The following SMIM36 variants were observed in gnomAD, a reference collection of about 807,000 sequenced individuals.
The protein encoded by SMIM36 is small integral membrane protein 36.
At chr17:55,486,863 G>C (rs932009228) in intron 1 of SMIM36, among the ~76,000 whole-genome samples, 4 of 152,098 alleles carry the variant, frequency 2.6e-5, no homozygotes, top group African/African-American at 9.7e-5. Context: ...TCCCAGAATT[G>C]TTTGCATTTT....
chr17:55,480,475 G>C (rs1909500499), intron 1 of SMIM36, among the ~76,000 whole-genome samples: 1 of 152,134 alleles, frequency 6.6e-6, no homozygotes, highest in Non-Finnish European at 1.5e-5. Flanking sequence ...TAGATAATGA[G>C]ATCCAAGCAT....
At chr17:55,510,435 T>C (rs2144724671) in intron 1 of SMIM36, among the ~76,000 whole-genome samples, 1 of 151,816 alleles carries the variant, frequency 6.6e-6, no homozygotes, top group African/African-American at 2.4e-5. Context: ...TGAAACCCCA[T>C]CTCTACAAAA....
At chr17:55,462,427 G>A (rs1204586167) in intron 4 of SMIM36, among the ~76,000 whole-genome samples, 2 of 151,984 alleles carry the variant, frequency 1.3e-5, no homozygotes, top group African/African-American at 4.8e-5. Context: ...CCTTAGCAAC[G>A]TAGCAAGACC....
At chr17:55,516,771 G>A in the SMIM36 span, among the ~76,000 whole-genome samples, 2 of 152,098 alleles carry the variant, frequency 1.3e-5, no homozygotes, top group South Asian at 4.1e-4. Context: ...TATTGGCCAG[G>A]CTGGTCTCAA....
chr17:55,518,387 G>A, the SMIM36 span, among the ~76,000 whole-genome samples: 3 of 152,138 alleles, frequency 2.0e-5, no homozygotes, highest in Admixed American at 6.5e-5. Context: ...TTAAGTTACC[G>A]ATACACGAAC....
upstream of SMIM36, among the ~76,000 whole-genome samples, chr17:55,514,254 T>G (rs947078697): frequency 6.6e-6 from 1 of 152,162 alleles, no homozygotes; most frequent in African/African-American, 2.4e-5. Context: ...ATAGGCAAAC[T>G]GGGACGGATG....
chr17:55,492,242 C>CTTTTTTTTTTTTTTTTTTTTT (rs770501215), intron 1 of SMIM36, among the ~76,000 whole-genome samples: 2 of 111,286 alleles, frequency 1.8e-5, no homozygotes, highest in African/African-American at 3.5e-5. Flanking sequence ...TTCTTTCTTT[C>CTTTTTTTTTTTTTTTTTTTTT]TTTTTTTTTT....
chr17:55,472,697 C>A (rs991948086), intron 3 of SMIM36, among the ~76,000 whole-genome samples: 2 of 151,934 alleles, frequency 1.3e-5, no homozygotes, highest in Non-Finnish European at 2.9e-5. Flanking sequence ...ATGGTGAAAC[C>A]CCGAATCTAC....
In SMIM36 at chr17:55,501,180, A is replaced by G. The variant is rs796555797; in HGVS notation, c.*174+9699T>C. Among the ~76,000 whole-genome samples the G allele has an allele frequency of 1.4e-4, 2 of 14,588 alleles. 1 individual carries two copies. The highest frequency in any genetic ancestry group is 1.8e-4 in the Non-Finnish European group (2 of 11,360). The allele number at this position is 14,588 out of a possible 152,430, so 9.6% of individuals were successfully genotyped here. On this transcript the variant is annotated intron_variant, in intron 1 of 4. Transcript: ENST00000636752. ...ATATATAATATATCTTATATATTAT[A>G]ATATATAATATATCTTATATATTAT...
At chr17:55,512,420 T>G (rs946129487), upstream of SMIM36, among the ~76,000 whole-genome samples, 1 of 152,196 alleles carries the variant, frequency 6.6e-6, no homozygotes, top group African/African-American at 2.4e-5. Context: ...TTGAATGCTT[T>G]TGCACAGGGG....
chr17:55,529,089 G>A, the SMIM36 span, among the ~76,000 whole-genome samples: 1 of 152,102 alleles, frequency 6.6e-6, no homozygotes, highest in African/African-American at 2.4e-5. Flanking sequence ...GGTCTGTCTA[G>A]CACCAACTAT....
At chr17:55,450,713 A>AGAGGCTCACAAGCAC (rs1157420007) in intron 4 of SMIM36, among the ~76,000 whole-genome samples, 29 of 152,336 alleles carry the variant, frequency 1.9e-4, no homozygotes, top group African/African-American at 6.7e-4. Context: ...GTTAGGAGAC[A>AGAGGCTCACAAGCAC]GAGGCTCACA....
intron 1 of SMIM36, among the ~76,000 whole-genome samples, chr17:55,483,306 C>T (rs1040756342): frequency 6.6e-6 from 1 of 152,098 alleles, no homozygotes; most frequent in Non-Finnish European, 1.5e-5. Context: ...CATTTTCTAC[C>T]CTGAGATGCT....
At chr17:55,519,790 GA>G in the SMIM36 span, among the ~76,000 whole-genome samples, 2 of 152,184 alleles carry the variant, frequency 1.3e-5, no homozygotes, top group African/African-American at 4.8e-5. Context: ...CTGATGTATG[GA>G]CACCACGCCA....
intron 4 of SMIM36, chr17:55,453,982 T>C (rs1340195544): frequency 6.6e-6 from 1 of 152,168 alleles, no homozygotes; most frequent in Admixed American, 6.5e-5. Context: ...TCTCTGTGCA[T>C]AGAAATGTCA....
At chr17:55,527,511 T>C in the SMIM36 span, among the ~76,000 whole-genome samples, 2 of 152,210 alleles carry the variant, frequency 1.3e-5, no homozygotes, top group East Asian at 3.9e-4. Context: ...CTGTGGCTCT[T>C]TCCCTCACAT....
At chr17:55,479,674 A>T (rs1372389973) in intron 1 of SMIM36, 94 bp from the exon 2 acceptor site, 1 of 152,234 alleles carries the variant, frequency 6.6e-6, no homozygotes, top group Non-Finnish European at 1.5e-5. Flanking sequence ...ATCTGTTGTG[A>T]TGATTTTGAA....
At chr17:55,452,901 A>G (rs1908945559) in intron 4 of SMIM36, among the ~76,000 whole-genome samples, 1 of 152,240 alleles carries the variant, frequency 6.6e-6, no homozygotes, top group African/African-American at 2.4e-5. Context: ...AGAGGGAAGT[A>G]AGATGCTCAG....
upstream of SMIM36, among the ~76,000 whole-genome samples, chr17:55,512,246 GAA>G (rs1207800386): frequency 1.3e-5 from 2 of 152,208 alleles, no homozygotes; most frequent in Non-Finnish European, 2.9e-5. Flanking sequence ...GACCCGAAGA[GAA>G]AGGAGCCTGG....
Sources: gnomAD v4.1 joint callset for allele counts (sites outside exome capture counted in the v4.1 genomes callset) on GRCh38, gnomAD v4.1.1 for gene constraint, MANE v1.5 for transcripts, NCBI Gene and HGNC (gene_info 2026-07-23, HGNC 2026-07-21) for gene names.